Variants in ATP8B4 observed in about 807,000 individuals in gnomAD.
ATP8B4 encodes the protein ATPase phospholipid transporting 8B4 (putative).
ATP8B4 carries 133 observed loss-of-function variants against 145.6 expected under a neutral mutation model. The observed-to-expected ratio is 0.91, with a 90% CI of 0.79 to 1.05. The LOEUF (loss-of-function observed/expected upper bound fraction) is 1.05. Among genes scored for constraint, ATP8B4 ranks in the 50% least tolerant of loss-of-function variants. The pLI, the probability that ATP8B4 is intolerant of heterozygous loss-of-function variation, is 0.00. For synonymous variants in ATP8B4, 507 were observed against 492.9 expected (o/e 1.03, Z -0.38); for missense variants, 1,458 against 1,425.2 (o/e 1.02, Z -0.37).
intron 27 of ATP8B4, among the ~76,000 whole-genome samples, chr15:49,861,750 C>T (rs1184819654): frequency 1.3e-5 from 2 of 152,194 alleles, no homozygotes; most frequent in East Asian, 3.8e-4. Context: ...TACTAATCTA[C>T]CCAGCATGCT....
intron 3 of ATP8B4, among the ~76,000 whole-genome samples, chr15:50,058,877 T>G (rs2052801293): frequency 6.8e-6 from 1 of 147,182 alleles, no homozygotes; most frequent in Admixed American, 6.8e-5. Flanking sequence ...TGTTTGGGAG[T>G]AGAGGTGTTG....
chr15:50,117,097 C>A (rs2057178891), intron 1 of ATP8B4, among the ~76,000 whole-genome samples: 1 of 152,104 alleles, frequency 6.6e-6, no homozygotes, highest in Admixed American at 6.5e-5. Context: ...GTCACCCAGG[C>A]TGGAGTGTAG....
intron 1 of ATP8B4, among the ~76,000 whole-genome samples, chr15:50,154,777 C>T (rs906131777): frequency 3.3e-5 from 5 of 151,980 alleles, no homozygotes; most frequent in African/African-American, 4.8e-5. Context: ...CATGTTCAAG[C>T]GATTCTTCTG....
intron 1 of ATP8B4, among the ~76,000 whole-genome samples, chr15:50,117,901 A>G (rs2057201538): frequency 6.6e-6 from 1 of 152,238 alleles, no homozygotes; most frequent in Non-Finnish European, 1.5e-5. Context: ...AGCCAGGCAC[A>G]GAAAGACAAA....
chr15:50,105,995 C>G (rs1203783857), intron 2 of ATP8B4, among the ~76,000 whole-genome samples: 1 of 152,132 alleles, frequency 6.6e-6, no homozygotes. Flanking sequence ...TATATTGCCC[C>G]AGAGGGCATA....
At chr15:50,162,070 A>C (rs1426127888) in intron 1 of ATP8B4, among the ~76,000 whole-genome samples, 4 of 152,080 alleles carry the variant, frequency 2.6e-5, no homozygotes, top group African/African-American at 9.7e-5. Flanking sequence ...TACCTTCAGC[A>C]CTTTAAATAT....
intron 8 of ATP8B4, 149 bp from the exon 9 acceptor site, chr15:49,996,908 G>T: frequency 1.7e-6 from 1 of 590,824 alleles, no homozygotes; most frequent in Non-Finnish European, 3.0e-6. Flanking sequence ...TTCGCTCACT[G>T]TTTCAGGAAA....
At chr15:49,950,598 AAAAAC>A (rs1190939848) in intron 14 of ATP8B4, among the ~76,000 whole-genome samples, 2 of 87,360 alleles carry the variant, frequency 2.3e-5, no homozygotes, top group African/African-American at 7.2e-5. Flanking sequence ...ACTAAAAAAA[AAAAAC>A]AAACAAACAA....
intron 6 of ATP8B4, among the ~76,000 whole-genome samples, chr15:50,013,914 T>A (rs1427293722): frequency 1.3e-5 from 2 of 152,136 alleles, no homozygotes; most frequent in African/African-American, 4.8e-5. Context: ...CTTGAGAAAA[T>A]GCAAGTCTGA....
intron 27 of ATP8B4, among the ~76,000 whole-genome samples, chr15:49,861,473 T>TCTACCTATCTAC (rs1555391023): frequency 7.4e-6 from 1 of 135,594 alleles, no homozygotes; most frequent in African/African-American, 3.0e-5. Flanking sequence ...TATCTATCTA[T>TCTACCTATCTAC]CTACCTACCT....
At position 49,918,861 on chromosome 15, in the gene ATP8B4, C is replaced by A; in HGVS notation, c.2013G>T (p.Trp671Cys). The stretch of plus-strand genomic sequence containing the variant: ...TACCTTGTTTGTCTCCTGTTAGGAC[C>A]CAGATCTTAATATTGGCTAGTGATA... ...TSLSLANIKIWVLTGDKQETA... is the reference protein window; with the variant it reads ...TSLSLANIKICVLTGDKQETA... Residue 671 changes from tryptophan to cysteine, a missense_variant, in exon 19 of 28, where the codon TGG becomes TGT. Physicochemically the swap from Trp to Cys is radical, Grantham distance 215. Transcript: ENST00000284509. 1 of 1,611,846 alleles carries A rather than the reference C, an allele frequency of 6.2e-7. No homozygotes were observed. Among genetic ancestry groups the A allele is most frequent in the Non-Finnish European group, 8.5e-7 (1 of 1,178,324 alleles).
At chr15:50,105,773 G>A (rs1293047565) in intron 2 of ATP8B4, among the ~76,000 whole-genome samples, 1 of 152,018 alleles carries the variant, frequency 6.6e-6, no homozygotes, top group Non-Finnish European at 1.5e-5. Flanking sequence ...ATATACATAT[G>A]AATTACTGTT....
intron 10 of ATP8B4, among the ~76,000 whole-genome samples, chr15:49,985,567 C>A (rs2046533263): frequency 6.6e-6 from 1 of 152,154 alleles, no homozygotes; most frequent in Non-Finnish European, 1.5e-5. Flanking sequence ...CATTTGTGAC[C>A]AGACTAAAGT....
At chr15:50,079,162 T>C (rs2054381668) in intron 2 of ATP8B4, among the ~76,000 whole-genome samples, 2 of 152,210 alleles carry the variant, frequency 1.3e-5, no homozygotes, top group African/African-American at 4.8e-5. Flanking sequence ...ATATACTCCA[T>C]GTCTGTACCA....
At chr15:50,141,057 G>C (rs1053824552) in intron 1 of ATP8B4, among the ~76,000 whole-genome samples, 1 of 152,038 alleles carries the variant, frequency 6.6e-6, no homozygotes, top group Non-Finnish European at 1.5e-5. Flanking sequence ...CTGTGACTCT[G>C]GTATGCTCTT....
intron 1 of ATP8B4, among the ~76,000 whole-genome samples, chr15:50,112,314 G>A (rs1413646681): frequency 6.6e-6 from 1 of 152,064 alleles, no homozygotes; most frequent in African/African-American, 2.4e-5. Context: ...GCCCCTCCCT[G>A]TCTGTCTCCT....
At chr15:49,871,656 A>G (rs950576054) in intron 25 of ATP8B4, among the ~76,000 whole-genome samples, 1 of 152,154 alleles carries the variant, frequency 6.6e-6, no homozygotes, top group African/African-American at 2.4e-5. Context: ...TCCTTTGCTC[A>G]ATTTCAACCT....
chr15:49,976,125 G>T (rs2045637165), intron 12 of ATP8B4, among the ~76,000 whole-genome samples: 1 of 152,072 alleles, frequency 6.6e-6, no homozygotes, highest in Admixed American at 6.6e-5. Context: ...GATGGTAGCA[G>T]TTTTTTTCTC....
intron 13 of ATP8B4, among the ~76,000 whole-genome samples, chr15:49,971,964 C>A (rs1436589634): frequency 6.6e-6 from 1 of 152,146 alleles, no homozygotes; most frequent in Non-Finnish European, 1.5e-5. Flanking sequence ...GAATTCATGT[C>A]CTTTGCAGAG....
Sources: gnomAD v4.1 joint callset for allele counts (sites outside exome capture counted in the v4.1 genomes callset) on GRCh38, gnomAD v4.1.1 for gene constraint, MANE v1.5 for transcripts, NCBI Gene and HGNC (gene_info 2026-07-23, HGNC 2026-07-21) for gene names.